Variants in MACF1 observed in about 807,000 individuals in gnomAD.
MACF1 encodes the protein microtubule-actin cross-linking factor 1.
Under a neutral mutation model 854.8 loss-of-function variants are expected in MACF1, and 193 were observed. The observed-to-expected ratio is 0.23, with a 90% CI of 0.20 to 0.25. The LOEUF is 0.25. Among genes scored for constraint, MACF1 ranks in the 10% least tolerant of loss-of-function variants. The pLI is 1.00. For missense variants in MACF1, 7,722 were observed against 8,929.1 expected (o/e 0.86, Z 5.45); for synonymous variants, 3,185 against 3,226.7 (o/e 0.99, Z 0.44).
intron 2 of MACF1, among the ~76,000 whole-genome samples, chr1:39,234,903 C>T (rs1463154494): frequency 1.1e-4 from 16 of 142,258 alleles, no homozygotes; most frequent in Non-Finnish European, 2.0e-4. Context: ...ACATCTCAGA[C>T]GATAGGCGGC....
At chr1:39,214,652 T>A (rs1207443749) in intron 1 of MACF1, among the ~76,000 whole-genome samples, 1 of 152,210 alleles carries the variant, frequency 6.6e-6, no homozygotes, top group East Asian at 1.9e-4. Context: ...GGCTACTCTG[T>A]AAAGTAGGTG....
rs1381322349 is a variant in MACF1, at chr1:39,447,868, A to C, written c.19938A>C (p.Ser6646=). The change falls in exon 82 of 101, where the codon TCA becomes TCC. Residue 6646 remains serine (S), a synonymous_variant. Coordinates refer to ENST00000564288, the MANE Select transcript of MACF1 (RefSeq NM_001394062.1). Reference sequence around the variant, plus strand: ...AGCGATCTATTGAAAGAGGGCGATCACTAGATGATGCCAGGAAGCGGGCAA... The same window carrying C: ...AGCGATCTATTGAAAGAGGGCGATCCCTAGATGATGCCAGGAAGCGGGCAA... ...VVQRSIERGR[S]LDDARKRAKQ... The C allele has an allele frequency of 1.2e-6, 2 of 1,614,106 alleles. No homozygotes were observed. The highest frequency in any genetic ancestry group is 1.7e-6 in the Non-Finnish European group (2 of 1,180,020).
intron 2 of MACF1, among the ~76,000 whole-genome samples, chr1:39,186,232 G>A (rs894627065): frequency 2.9e-5 from 4 of 136,012 alleles, no homozygotes; most frequent in African/African-American, 5.3e-5. Context: ...GTGTGTGTGT[G>A]TGTGTGTGTG....
chr1:39,258,068 G>A (rs758984898), intron 6 of MACF1, 40 bp downstream of exon 6: 1 of 1,530,720 alleles, frequency 6.5e-7, no homozygotes, highest in South Asian at 1.1e-5. Flanking sequence ...TGCTTTGTTT[G>A]GACATGGCCT....
chr1:39,194,118 C>T (rs892252741), intron 2 of MACF1, among the ~76,000 whole-genome samples: 1 of 152,112 alleles, frequency 6.6e-6, no homozygotes, highest in Non-Finnish European at 1.5e-5. Context: ...CAGGCATGCG[C>T]CACCACACCT....
chr1:39,448,219 A>G (rs1294481731), intron 83 of MACF1, 67 bp downstream of exon 83: 1 of 1,524,798 alleles, frequency 6.6e-7, no homozygotes. Flanking sequence ...CTTGCCAAAA[A>G]TAAAAATCAG....
intron 2 of MACF1, among the ~76,000 whole-genome samples, chr1:39,164,756 T>G (rs1018980033): frequency 2.0e-5 from 3 of 152,240 alleles, no homozygotes; most frequent in African/African-American, 7.2e-5. Flanking sequence ...TTGCTGTTAC[T>G]GAGCTAGCAC....
Position 39,334,503 on chromosome 1 carries a change from G to A in MACF1, c.7915G>A (p.Asp2639Asn). The A allele has an allele frequency of 6.2e-7, 1 of 1,614,090 alleles. No homozygotes were observed. The highest frequency in any genetic ancestry group is 8.5e-7 in the Non-Finnish European group (1 of 1,179,982). The change falls in exon 37 of 101, where the codon GAT becomes AAT. Residue 2639 changes from aspartate (D) to asparagine (N), a missense_variant. Asp to Asn is a conservative substitution (Grantham distance 23). Coordinates refer to ENST00000564288, the MANE Select transcript of MACF1 (RefSeq NM_001394062.1). ...YSELVKKCKI[D>N]IESGQRYLEV... Reference sequence around the variant, plus strand: ...AGAATTAGTCAAGAAATGTAAGATTGATATTGAATCTGGACAGAGATATCT... The same window carrying A: ...AGAATTAGTCAAGAAATGTAAGATTAATATTGAATCTGGACAGAGATATCT...
intron 2 of MACF1, among the ~76,000 whole-genome samples, chr1:39,114,218 T>A: frequency 6.6e-6 from 1 of 151,604 alleles, no homozygotes; most frequent in African/African-American, 2.4e-5. Context: ...CACATTAATA[T>A]GTGTTCATAA....
rs553112135 is a variant in MACF1 at position 39,424,526 on chromosome 1, C to T, written c.16316+332C>T. ...TCTGAGTTTTTCAAACAGATTTCCC[C>T]CTCTTATATTTATAAATAATGCTTT... On this transcript the variant is annotated intron_variant, in intron 61 of 100. Coordinates refer to ENST00000564288, the MANE Select transcript of MACF1 (RefSeq NM_001394062.1). Among the ~76,000 whole-genome samples, 13 of 152,246 alleles carry T rather than the reference C, an allele frequency of 8.5e-5. No individual in the cohort carries two copies. In the South Asian group the frequency reaches 2.7e-3, roughly 32 times the overall value.
Position 39,388,277 on chromosome 1 carries a change from G to A in MACF1, c.15435G>A (p.Met5145Ile). The A allele has an allele frequency of 6.2e-7, 1 of 1,614,216 alleles. No individual in the cohort carries two copies. The highest frequency in any genetic ancestry group is 8.5e-7 in the Non-Finnish European group (1 of 1,180,046). The change falls in exon 58 of 101, where the codon ATG (methionine) becomes ATA (isoleucine). Residue 5145 changes from methionine to isoleucine, a missense_variant. This residue lies in a region of MACF1 where 2,807 missense variants were observed against 3,235.8 expected (regional missense o/e 0.87). Coordinates refer to ENST00000564288, the MANE Select transcript of MACF1 (RefSeq NM_001394062.1). ...LADLDDELDG[M>I]GAIGRDTDSL... ...ACCTGGATGATGAGCTAGATGGCAT[G>A]GGTGCTATTGGCAGAGACACTGATA...
In MACF1 at chr1:39,326,284, G is replaced by C. The variant is rs1230781155; in HGVS notation, c.4479-934G>C. On this transcript the variant is annotated intron_variant, in intron 35 of 100. Transcript: ENST00000564288. Reference sequence around the variant, plus strand: ...AAAAAGAAAGTTGCGGGATTCATCAGATTCAAGAGGTGGTTACCTTTGGGA... The same window carrying C: ...AAAAAGAAAGTTGCGGGATTCATCACATTCAAGAGGTGGTTACCTTTGGGA... Among the ~76,000 whole-genome samples the C allele has an allele frequency of 5.3e-5, 8 of 152,350 alleles. No homozygotes were observed. The South Asian group carries it at 1.2e-3, about 24-fold the overall frequency.
intron 35 of MACF1, among the ~76,000 whole-genome samples, chr1:39,325,129 AAGTG>A (rs1646585596): frequency 1.3e-5 from 2 of 152,220 alleles, no homozygotes; most frequent in Non-Finnish European, 2.9e-5. Flanking sequence ...TTATCGCATA[AAGTG>A]ACAGAGATTT....
At chr1:39,432,010 C>T (rs975723160) in intron 66 of MACF1, among the ~76,000 whole-genome samples, 2 of 152,108 alleles carry the variant, frequency 1.3e-5, no homozygotes, top group African/African-American at 4.8e-5. Context: ...ATTGGGGAGC[C>T]CTCATGAAAC....
chr1:39,168,652 T>G (rs1643906816), intron 2 of MACF1, among the ~76,000 whole-genome samples: 1 of 151,944 alleles, frequency 6.6e-6, no homozygotes, highest in Admixed American at 6.6e-5. Context: ...GTTTCTACAT[T>G]TATCAGCTGA....
chr1:39,301,165 C>T (rs895633333), intron 22 of MACF1, among the ~76,000 whole-genome samples: 7 of 152,212 alleles, frequency 4.6e-5, no homozygotes, highest in East Asian at 1.9e-4. Context: ...CTCGCCCTGT[C>T]GCCCAGGCTG....
chr1:39,167,257 C>T (rs1643891540), intron 2 of MACF1, among the ~76,000 whole-genome samples: 3 of 151,674 alleles, frequency 2.0e-5, no homozygotes, highest in Non-Finnish European at 2.9e-5. Context: ...CCACCGCACA[C>T]AGCCAGGGAT....
chr1:39,437,013 A>G (rs1188040969), intron 70 of MACF1, among the ~76,000 whole-genome samples: 1 of 152,122 alleles, frequency 6.6e-6, no homozygotes, highest in Non-Finnish European at 1.5e-5. Flanking sequence ...GTCGTGTAGC[A>G]TATTAAGTTT....
chr1:39,374,127 A>G (rs1649508412), intron 52 of MACF1, among the ~76,000 whole-genome samples: 1 of 151,920 alleles, frequency 6.6e-6, no homozygotes, highest in African/African-American at 2.4e-5. Flanking sequence ...CTGTAATCCT[A>G]GCTACTCAGG....
Sources: allele counts gnomAD v4.1 joint callset (sites outside exome capture counted in the v4.1 genomes callset), GRCh38; gene constraint gnomAD v4.1.1; regional missense constraint gnomAD v4.1.1; transcripts MANE v1.5; gene names NCBI Gene and HGNC (gene_info 2026-07-23, HGNC 2026-07-21).